ELAVL4: variants seen among roughly 807,000 people sequenced by gnomAD.
ELAVL4 encodes the protein ELAV like RNA binding protein 4.
A neutral mutation model predicts 35.6 loss-of-function variants in ELAVL4; 1 was observed. The ratio of observed to expected loss-of-function variants is 0.03; its 90% CI spans 0.01 to 0.13. The LOEUF is 0.13. Among genes scored for constraint, ELAVL4 ranks in the 10% least tolerant of loss-of-function variants. ELAVL4 has a pLI of 1.00. For synonymous variants in ELAVL4, 156 were observed against 171.0 expected (o/e 0.91, Z 0.69); for missense variants, 267 against 464.9 (o/e 0.57, Z 3.91).
intron 1 of ELAVL4, among the ~76,000 whole-genome samples, chr1:50,060,509 C>G (rs180921276): frequency 3.9e-4 from 59 of 152,272 alleles, no homozygotes; most frequent in Non-Finnish European, 4.1e-4. Context: ...CACAACTTGG[C>G]TCAGGATCAA....
At chr1:50,112,321 G>C (rs779833997) in intron 1 of ELAVL4, among the ~76,000 whole-genome samples, 1 of 151,860 alleles carries the variant, frequency 6.6e-6, no homozygotes, top group Non-Finnish European at 1.5e-5. Context: ...TTTTAGTTAG[G>C]GGAAAATAAT....
At chr1:50,094,904 T>C (rs1665655928) in intron 1 of ELAVL4, among the ~76,000 whole-genome samples, 3 of 152,084 alleles carry the variant, frequency 2.0e-5, no homozygotes, top group Admixed American at 1.3e-4. Flanking sequence ...CACTCTATCC[T>C]GGGCGACGGA....
At chr1:50,056,897 A>C (rs1173522241) in intron 1 of ELAVL4, among the ~76,000 whole-genome samples, 1 of 150,764 alleles carries the variant, frequency 6.6e-6, no homozygotes, top group Non-Finnish European at 1.5e-5. Flanking sequence ...GTGCCACTGC[A>C]CTCCAGCCTG....
At chr1:50,160,148 A>G (rs1057096328) in intron 2 of ELAVL4, among the ~76,000 whole-genome samples, 4 of 152,142 alleles carry the variant, frequency 2.6e-5, no homozygotes, top group Non-Finnish European at 4.4e-5. Flanking sequence ...GTATTTTGCA[A>G]TCTCACTCGT....
At chr1:50,173,027 C>A (rs925673235) in intron 2 of ELAVL4, among the ~76,000 whole-genome samples, 1 of 152,126 alleles carries the variant, frequency 6.6e-6, no homozygotes, top group Non-Finnish European at 1.5e-5. Flanking sequence ...CTCTTTTCCC[C>A]CTCTTCCCCC....
intron 1 of ELAVL4, among the ~76,000 whole-genome samples, chr1:50,070,523 A>G (rs1480517200): frequency 2.0e-5 from 3 of 152,148 alleles, no homozygotes; most frequent in Non-Finnish European, 4.4e-5. Flanking sequence ...CGGGCGGATC[A>G]TGAGGTCAGG....
chr1:50,157,118 T>C (rs964733608), intron 2 of ELAVL4, among the ~76,000 whole-genome samples: 4 of 152,198 alleles, frequency 2.6e-5, no homozygotes, highest in African/African-American at 9.7e-5. Flanking sequence ...TAGTTGAATA[T>C]GTCAGGATAA....
chr1:50,136,402 G>A (rs1671891963), intron 1 of ELAVL4, among the ~76,000 whole-genome samples: 1 of 152,054 alleles, frequency 6.6e-6, no homozygotes, highest in Admixed American at 6.6e-5. Flanking sequence ...AAGAGAATTA[G>A]GACTTTTATT....
upstream of ELAVL4, among the ~76,000 whole-genome samples, chr1:50,101,746 A>G (rs1413894232): frequency 1.3e-5 from 2 of 152,136 alleles, no homozygotes; most frequent in East Asian, 1.9e-4. Context: ...ATCTCTACCA[A>G]AAAAGAAAAA....
intron 2 of ELAVL4, among the ~76,000 whole-genome samples, chr1:50,166,777 C>T (rs564720811): frequency 1.3e-5 from 2 of 152,286 alleles, no homozygotes; most frequent in South Asian, 2.1e-4. Flanking sequence ...GAGTAGTAGA[C>T]TAATTTCATC....
chr1:50,093,059 T>A (rs1230438537), intron 1 of ELAVL4, among the ~76,000 whole-genome samples: 1 of 152,220 alleles, frequency 6.6e-6, no homozygotes, highest in Non-Finnish European at 1.5e-5. Flanking sequence ...TAGTAGGTGT[T>A]CAATAAATAT....
At chr1:50,176,924 G>T (rs530729001) in intron 2 of ELAVL4, among the ~76,000 whole-genome samples, 165 bp from the exon 3 acceptor site, 67 of 152,298 alleles carry the variant, frequency 4.4e-4, no homozygotes, top group African/African-American at 1.5e-3. Flanking sequence ...TCTCAATCTG[G>T]GGGTAAACCC....
intron 5 of ELAVL4, among the ~76,000 whole-genome samples, chr1:50,196,237 A>G (rs1205446108): frequency 1.3e-5 from 2 of 152,134 alleles, no homozygotes; most frequent in Non-Finnish European, 2.9e-5. Context: ...TGTTGAGTTC[A>G]GGGGAGGGGG....
At chr1:50,066,925 T>G (rs1428561582) in intron 1 of ELAVL4, among the ~76,000 whole-genome samples, 1 of 152,186 alleles carries the variant, frequency 6.6e-6, no homozygotes. Context: ...TCCCTCAAAC[T>G]GTCTCATTGA....
chr1:50,135,855 G>T (rs940642258), intron 1 of ELAVL4, among the ~76,000 whole-genome samples: 1 of 152,144 alleles, frequency 6.6e-6, no homozygotes, highest in African/African-American at 2.4e-5. Flanking sequence ...TTTAGCCACA[G>T]TCCCCTAGTC....
chr1:50,109,554 G>A, intron 1 of ELAVL4: 1 of 359,928 alleles, frequency 2.8e-6, no homozygotes, highest in Non-Finnish European at 5.1e-6. Context: ...GTTTGTCTAC[G>A]TGCCTGGGTT....
intron 1 of ELAVL4, among the ~76,000 whole-genome samples, chr1:50,143,709 A>G (rs1412955080): frequency 6.6e-6 from 1 of 152,130 alleles, no homozygotes; most frequent in African/African-American, 2.4e-5. Context: ...ATGATGGACA[A>G]ATAGAGGACG....
intron 1 of ELAVL4, among the ~76,000 whole-genome samples, chr1:50,112,932 T>TAGAATATTTAGAAAGAGAGAGAGAGAA (rs1667317773): frequency 6.6e-6 from 1 of 152,062 alleles, no homozygotes; most frequent in Non-Finnish European, 1.5e-5. Flanking sequence ...ATAATAACAA[T>TAGAATATTTAGAAAGAGAGAGAGAGAA]AGAATATTTA....
At chr1:50,059,541 G>T (rs1210023671) in intron 1 of ELAVL4, among the ~76,000 whole-genome samples, 1 of 151,892 alleles carries the variant, frequency 6.6e-6, no homozygotes. Flanking sequence ...AAGTATTGGT[G>T]AGGAGGTTTT....
Sources: gnomAD v4.1 joint callset for allele counts (sites outside exome capture counted in the v4.1 genomes callset) on GRCh38, gnomAD v4.1.1 for gene constraint, MANE v1.5 for transcripts, NCBI Gene and HGNC (gene_info 2026-07-23, HGNC 2026-07-21) for gene names.